The following VPS37C variants were observed in gnomAD, a reference collection of about 807,000 sequenced individuals.
VPS37C encodes VPS37C subunit of ESCRT-I.
Under a neutral mutation model 16.1 loss-of-function variants are expected in VPS37C, and 9 were observed. The observed-to-expected ratio is 0.56, with a 90% CI of 0.34 to 0.97. VPS37C has a LOEUF of 0.97. Ranked by LOEUF, VPS37C falls within the 50% of genes least tolerant of loss-of-function variation. The pLI, the probability that VPS37C is intolerant of heterozygous loss-of-function variation, is 0.02. For synonymous variants in VPS37C, 207 were observed against 206.4 expected (o/e 1.00, Z -0.02); for missense variants, 479 against 472.7 (o/e 1.01, Z -0.12).
intron 1 of VPS37C, among the ~76,000 whole-genome samples, chr11:61,150,915 T>C (rs545303447): frequency 6.6e-6 from 1 of 152,338 alleles, no homozygotes; most frequent in African/African-American, 2.4e-5. Flanking sequence ...GTCTGAGGTT[T>C]AGAGGCTGCT....
Position 61,133,261 on chromosome 11 carries a change from C to G in VPS37C, c.342G>C (p.Glu114Asp). 1 of 1,614,184 alleles carries G rather than the reference C, an allele frequency of 6.2e-7. No individual in the cohort carries two copies. Among genetic ancestry groups the G allele is most frequent in the Non-Finnish European group, 8.5e-7 (1 of 1,180,032 alleles). ...LQVEGMKIEEESEAMAEKFLE... is the reference protein window; with the variant it reads ...LQVEGMKIEEDSEAMAEKFLE... ...TGTCGCCTCGCCCTCTCACCTCGGA[C>G]TCTTCTTCGATCTTCATGCCTTCCA... Residue 114 changes from glutamate (E) to aspartate (D), a missense_variant, in exon 4 of 5, where the codon GAG (glutamate) becomes GAC (aspartate). Transcript: ENST00000301765.
chr11:61,134,488 T>C lies in VPS37C; in HGVS notation c.94-281A>G, dbSNP rs190091391. ...CTCGCCCAAGGCCATGTGATTGATA[T>C]CCATGATGGAATGTGCAGAGCCCCA... On this transcript the variant is annotated intron_variant, in intron 2 of 4. Coordinates refer to ENST00000301765, the MANE Select transcript of VPS37C (RefSeq NM_017966.5). Among the ~76,000 whole-genome samples the C allele has an allele frequency of 7.9e-4, 121 of 152,258 alleles. 1 individual carries two copies. The Middle Eastern group carries it at 0.01, about 13-fold the overall frequency.
At chr11:61,152,875 G>T (rs754205482) in intron 1 of VPS37C, among the ~76,000 whole-genome samples, 1 of 152,190 alleles carries the variant, frequency 6.6e-6, no homozygotes, top group Admixed American at 6.5e-5. Flanking sequence ...TGTAGAAAAT[G>T]CCTGCTCCAT....
At position 61,146,151 on chromosome 11, in the gene VPS37C, G is replaced by A. The variant is rs548557855; in HGVS notation, c.-6-7316C>T. 3.5e-4 allele frequency among the ~76,000 whole-genome samples: 53 copies of A among 152,310 alleles called. 2 individuals carry two copies. Among genetic ancestry groups the A allele is most frequent in the Admixed American group, 2.6e-3 (40 of 15,298 alleles). On this transcript the variant is annotated intron_variant, in intron 1 of 4. Coordinates refer to ENST00000301765, the MANE Select transcript of VPS37C (RefSeq NM_017966.5). The stretch of plus-strand genomic sequence containing the variant: ...CACTGAAGACGTGGGGACAGAGAAC[G>A]GGCATTCTTCCCCTTACCCCCGCCT...
Position 61,130,978 on chromosome 11 carries a change from G to A in VPS37C, c.*842C>T, listed in dbSNP as rs1282634130. ...GGGCCTCGGGCAAAGTCGCCCTAAA[G>A]TGGGGACCCCAGAGGAGAGAAGGGA... On this transcript the variant is annotated 3_prime_UTR_variant, in exon 5 of 5. Coordinates refer to ENST00000301765, the MANE Select transcript of VPS37C (RefSeq NM_017966.5). 2.9e-6 allele frequency: 1 copy of A among 340,936 alleles called. No homozygotes were observed. Among genetic ancestry groups the A allele is most frequent in the Non-Finnish European group, 5.6e-6 (1 of 180,096 alleles). 21.1% of individuals were successfully genotyped at this position (340,936 alleles called of 1,614,324 possible). A position where few individuals can be genotyped will look rare whatever the true frequency, so the allele number is the denominator to read the frequency against.
intron 1 of VPS37C, among the ~76,000 whole-genome samples, chr11:61,150,700 G>A (rs1853284941): frequency 6.6e-6 from 1 of 151,828 alleles, no homozygotes; most frequent in African/African-American, 2.4e-5. Context: ...TGGCCCCTGA[G>A]ACCACCGCCC....
intron 2 of VPS37C, among the ~76,000 whole-genome samples, chr11:61,137,423 C>A (rs2134633163): frequency 6.6e-6 from 1 of 152,288 alleles, no homozygotes. Context: ...GCCTTCTGCC[C>A]AAGAGGTCGC....
chr11:61,137,850 A>AG (rs921349814), intron 2 of VPS37C, among the ~76,000 whole-genome samples: 1 of 152,172 alleles, frequency 6.6e-6, no homozygotes, highest in Non-Finnish European at 1.5e-5. Flanking sequence ...GGCAGCAGGC[A>AG]GCAAGAGCAC....
rs748907569 is a variant in VPS37C at position 61,134,013 on chromosome 11, A to G, written c.265+23T>C. On this transcript the variant is annotated intron_variant, in intron 3 of 4. Transcript: ENST00000301765. The stretch of plus-strand genomic sequence containing the variant: ...CGTCCAACCCTGAATGGGGACCCTG[A>G]GTTCACAGAGGAGCCACCCTACCCA... The G allele has an allele frequency of 4.4e-6, 7 of 1,594,164 alleles. No homozygotes were observed. In the Admixed American group the frequency reaches 1.2e-4, roughly 27 times the overall value.
In VPS37C at chr11:61,133,345, G is replaced by A. The variant is rs1026890365; in HGVS notation, c.266-8C>T. ...GTGCTGAAGAAAATTTCTCTGGAAG[G>A]GAGGGCAGAACGACTGACATTTGAA... On this transcript the variant is annotated splice_region_variant and splice_polypyrimidine_tract_variant and intron_variant, in intron 3 of 4. Coordinates refer to ENST00000301765, the MANE Select transcript of VPS37C (RefSeq NM_017966.5). 4 of 1,613,660 alleles carry A rather than the reference G, an allele frequency of 2.5e-6. No individual in the cohort carries two copies. Among genetic ancestry groups the A allele is most frequent in the Non-Finnish European group, 3.4e-6 (4 of 1,179,912 alleles).
At chr11:61,142,973 G>A (rs1292001097) in intron 1 of VPS37C, among the ~76,000 whole-genome samples, 7 of 50,306 alleles carry the variant, frequency 1.4e-4, no homozygotes, top group Non-Finnish European at 2.0e-4. Flanking sequence ...AAAAAGAATA[G>A]CTAAAAAAAA....
At chr11:61,159,930 C>T (rs951615669) in intron 1 of VPS37C, among the ~76,000 whole-genome samples, 13 of 131,768 alleles carry the variant, frequency 9.9e-5, no homozygotes, top group African/African-American at 3.3e-4. Flanking sequence ...AAAAAAAAAT[C>T]CAAACTTGGC....
chr11:61,159,509 T>C (rs1299989459), intron 1 of VPS37C, among the ~76,000 whole-genome samples: 2 of 152,100 alleles, frequency 1.3e-5, no homozygotes, highest in African/African-American at 4.8e-5. Flanking sequence ...CAAATCTCAC[T>C]TGTGGCCAGA....
intron 1 of VPS37C, among the ~76,000 whole-genome samples, chr11:61,159,514 G>A (rs866759116): frequency 6.6e-6 from 1 of 152,098 alleles, no homozygotes; most frequent in African/African-American, 2.4e-5. Context: ...CTCACTTGTG[G>A]CCAGACGCAG....
chr11:61,150,275 C>A (rs946826561), intron 1 of VPS37C, among the ~76,000 whole-genome samples: 2 of 152,166 alleles, frequency 1.3e-5, no homozygotes, highest in South Asian at 4.1e-4. Flanking sequence ...CTCACACACA[C>A]CCATCCCTGC....
intron 4 of VPS37C, chr11:61,133,036 TTGTCCAC>T: frequency 1.5e-6 from 1 of 671,238 alleles, no homozygotes; most frequent in Non-Finnish European, 2.7e-6. Flanking sequence ...CGAGCTGCCC[TTGTCCAC>T]TGTCACCCGT....
rs112739909 is a variant in VPS37C, at chr11:61,138,481, C to T, written c.93+256G>A. 2.8e-3 allele frequency: 1,283 copies of T among 459,258 alleles called. 13 individuals carry two copies. Among genetic ancestry groups the T allele is most frequent in the African/African-American group, 0.023 (1,185 of 51,324 alleles). 28.4% of individuals were successfully genotyped at this position (459,258 alleles called of 1,614,324 possible). Reference sequence around the variant, plus strand: ...AGCTGCCTCCAGATTTGGGCTGGAACGACAGTGTGGGGACTCCTGGGGTAT... The same window carrying T: ...AGCTGCCTCCAGATTTGGGCTGGAATGACAGTGTGGGGACTCCTGGGGTAT... On this transcript the variant is annotated intron_variant, in intron 2 of 4. Transcript: ENST00000301765.
intron 1 of VPS37C, among the ~76,000 whole-genome samples, chr11:61,142,826 G>A: frequency 8.2e-6 from 1 of 122,370 alleles, no homozygotes; most frequent in Non-Finnish European, 1.7e-5. Flanking sequence ...GGGGGGGAGG[G>A]GTAGCATTGG....
intron 1 of VPS37C, among the ~76,000 whole-genome samples, chr11:61,149,880 T>C (rs1487025837): frequency 6.6e-6 from 1 of 152,164 alleles, no homozygotes; most frequent in African/African-American, 2.4e-5. Context: ...CCATTCACTG[T>C]GCCAAATGGT....
Sources: allele counts gnomAD v4.1 joint callset (sites outside exome capture counted in the v4.1 genomes callset), GRCh38; gene constraint gnomAD v4.1.1; transcripts MANE v1.5; gene names NCBI Gene and HGNC (gene_info 2026-07-23, HGNC 2026-07-21).